Variants in NPFFR1 observed in about 807,000 individuals in gnomAD.
The protein encoded by NPFFR1 is G-protein coupled receptor 147.
A neutral mutation model predicts 12.7 loss-of-function variants in NPFFR1; 17 were observed. The observed-to-expected ratio is 1.34, with a 90% CI of 0.92 to 2.01. The LOEUF is 2.01. Ranked by LOEUF, NPFFR1 falls within the 30% of genes most tolerant of loss-of-function variation. NPFFR1 has a pLI of 0.00. For synonymous variants in NPFFR1, 296 were observed against 264.5 expected, an observed-to-expected ratio of 1.12 and a Z score of -1.16; for missense variants, 604 against 606.5, an observed-to-expected ratio of 1.00 and a Z score of 0.04.
chr10:70,255,492 C>G lies in NPFFR1; in HGVS notation c.758G>C (p.Gly253Ala), dbSNP rs1040771756. ...TGCTCGCGGGTCCGCAGCCTCCTCG[C>G]CCCCGGGGGCCGGGCCCGGGGCCTG... is the stretch of plus-strand genomic sequence containing the variant. ...LCQAPGPAPG[G>A]EEAADPRASR... The change falls in exon 4 of 4, where the codon GGC (glycine) becomes GCC (alanine). Residue 253 changes from glycine (G) to alanine (A), a missense_variant. Gly to Ala is a moderately conservative substitution (Grantham distance 60). Coordinates refer to ENST00000277942, the MANE Select transcript of NPFFR1 (RefSeq NM_022146.5). The surrounding 1 kb of genome is among the most constrained non-coding windows in gnomAD (Gnocchi z 4.2). The G allele has an allele frequency of 2.6e-6, 4 of 1,547,466 alleles. No individual in the cohort carries two copies. The African/African-American group carries it at 4.1e-5, about 16-fold the overall frequency.
In NPFFR1 at chr10:70,281,569, TGC is replaced by T. The variant is rs1310492454; in HGVS notation, c.7+2099_7+2100del. 9.2e-5 allele frequency among the ~76,000 whole-genome samples: 14 copies of T among 152,350 alleles called. No individual in the cohort carries two copies. In the South Asian group the frequency reaches 1.4e-3, roughly 16 times the overall value. ...ACAAAGATGTTAGTGACTACCTCTT[TGC>T]GTATACACTTGTATATGTATATTTC... On this transcript the variant is annotated intron_variant, in intron 1 of 3. Coordinates refer to ENST00000277942, the MANE Select transcript of NPFFR1 (RefSeq NM_022146.5).
Position 70,283,694 on chromosome 10 carries a change from G to A in NPFFR1, c.-18C>T, listed in dbSNP as rs1840885821. 6 of 1,535,066 alleles carry A rather than the reference G, an allele frequency of 3.9e-6. No homozygotes were observed. Among genetic ancestry groups the A allele is most frequent in the Non-Finnish European group, 3.5e-6 (4 of 1,146,460 alleles). The stretch of plus-strand genomic sequence containing the variant: ...CCCTCCATGATGCCCCCAGTTGCGG[G>A]CTCCGGCGGTCTCCGATGGCGGGAG... On this transcript the variant is annotated 5_prime_UTR_variant, in exon 1 of 4. Coordinates refer to ENST00000277942, the MANE Select transcript of NPFFR1 (RefSeq NM_022146.5).
chr10:70,256,429 C>T (rs1489550258), intron 3 of NPFFR1, among the ~76,000 whole-genome samples: 1 of 152,180 alleles, frequency 6.6e-6, no homozygotes, highest in Non-Finnish European at 1.5e-5. Flanking sequence ...GCTAGCAGAG[C>T]GATCAGAGTG....
intron 1 of NPFFR1, among the ~76,000 whole-genome samples, chr10:70,273,212 G>A (rs10999227): frequency 0.029 from 4,396 of 152,180 alleles, 178 homozygotes; most frequent in African/African-American, 0.092. Flanking sequence ...TGGATGATGG[G>A]CAGGGGATGG....
rs1393258246 is a variant in NPFFR1, at chr10:70,250,078, T to C, written c.*4879A>G. On this transcript the variant is annotated 3_prime_UTR_variant, in exon 4 of 4. Coordinates refer to ENST00000277942, the MANE Select transcript of NPFFR1 (RefSeq NM_022146.5). ...GGTGTGTGCCACCATGCCTGGCTAA[T>C]TTTTGTGTTTTTAGTAGAGATGGGG... is the stretch of plus-strand genomic sequence containing the variant. 1 of 151,758 alleles carries C rather than the reference T, an allele frequency of 6.6e-6. No homozygotes were observed. Among genetic ancestry groups the C allele is most frequent in the Non-Finnish European group, 1.5e-5 (1 of 67,994 alleles). 9.4% of individuals were successfully genotyped at this position (151,758 alleles called of 1,614,324 possible).
At chr10:70,277,059 T>C (rs1266491470) in intron 1 of NPFFR1, among the ~76,000 whole-genome samples, 1 of 152,228 alleles carries the variant, frequency 6.6e-6, no homozygotes, top group African/African-American at 2.4e-5. Context: ...GAAATACTTA[T>C]TGTAAGTATA....
At chr10:70,269,130 T>C (rs1256911809) in intron 1 of NPFFR1, among the ~76,000 whole-genome samples, 3 of 152,172 alleles carry the variant, frequency 2.0e-5, no homozygotes, top group African/African-American at 4.8e-5. Context: ...TGCTCTCTGT[T>C]CCCTGTATTA....
intron 1 of NPFFR1, chr10:70,278,035 G>A: frequency 2.0e-6 from 1 of 512,798 alleles, no homozygotes; most frequent in South Asian, 1.4e-5. Context: ...AGACCTGTCA[G>A]CCTCCACTTG....
At chr10:70,274,717 T>G (rs1050963793) in intron 1 of NPFFR1, among the ~76,000 whole-genome samples, 6 of 152,164 alleles carry the variant, frequency 3.9e-5, no homozygotes, top group Admixed American at 3.9e-4. Context: ...TCTCCCAACC[T>G]CATGGAGTTG....
intron 1 of NPFFR1, among the ~76,000 whole-genome samples, chr10:70,274,392 T>C (rs746806838): frequency 8.0e-5 from 12 of 150,768 alleles, no homozygotes; most frequent in Non-Finnish European, 1.5e-4. Context: ...GAGGTTGCAA[T>C]GAGCTGAGAT....
At position 70,247,720 on chromosome 10, in the gene NPFFR1, G is replaced by T. The variant is rs1171973384; in HGVS notation, c.*7237C>A. On this transcript the variant is annotated 3_prime_UTR_variant, in exon 4 of 4. Transcript: ENST00000277942. ...TGGGTTTTTCCACCCACATTAATTT[G>T]GTTGCTTGCACATGACAACAGCATC... 1 of 152,184 alleles carries T rather than the reference G, an allele frequency of 6.6e-6. No individual in the cohort carries two copies. The highest frequency in any genetic ancestry group is 2.4e-5 in the African/African-American group (1 of 41,438). The allele number at this position is 152,184 out of a possible 1,614,324, so 9.4% of individuals were successfully genotyped here. A position where few individuals can be genotyped will look rare whatever the true frequency, so the allele number is the denominator to read the frequency against.
At chr10:70,270,632 T>C (rs1564596304) in intron 1 of NPFFR1, among the ~76,000 whole-genome samples, 2 of 152,196 alleles carry the variant, frequency 1.3e-5, no homozygotes, top group African/African-American at 2.4e-5. Context: ...GCACTGCACA[T>C]GAATCCTTTC....
chr10:70,281,176 C>T (rs1444671803), intron 1 of NPFFR1, among the ~76,000 whole-genome samples: 1 of 152,184 alleles, frequency 6.6e-6, no homozygotes, highest in Non-Finnish European at 1.5e-5. Flanking sequence ...TTTTAGCACC[C>T]CACCAGGTCT....
chr10:70,273,581 C>T (rs1483619135), intron 1 of NPFFR1, among the ~76,000 whole-genome samples: 1 of 152,184 alleles, frequency 6.6e-6, no homozygotes, highest in African/African-American at 2.4e-5. Context: ...ATGAGCCCTT[C>T]TTTCTCGAGT....
Position 70,274,675 on chromosome 10 carries a change from C to T in NPFFR1, c.8-8284G>A, listed in dbSNP as rs141682190. ...TACTTCATCCCTGTGTTCTCCTTGG[C>T]TTTCGAATGTGGATGACCTGGGCTT... On this transcript the variant is annotated intron_variant, in intron 1 of 3. Transcript: ENST00000277942. Among the ~76,000 whole-genome samples the T allele has an allele frequency of 3.1e-3, 473 of 152,306 alleles. 2 individuals carry two copies. The highest frequency in any genetic ancestry group is 0.011 in the African/African-American group (445 of 41,564).
chr10:70,254,917 T>C lies in NPFFR1; in HGVS notation c.*40A>G, dbSNP rs917092898. 7 of 1,388,444 alleles carry C rather than the reference T, an allele frequency of 5.0e-6. No homozygotes were observed. Among genetic ancestry groups the C allele is most frequent in the Non-Finnish European group, 6.5e-6 (7 of 1,077,418 alleles). 86.0% of individuals were successfully genotyped at this position (1,388,444 alleles called of 1,614,324 possible). ...TCGCCTGCATGTATCTCGTGTCCAA[T>C]CGGGGCCCTGAGGCAGCGTCCCGCC... On this transcript the variant is annotated 3_prime_UTR_variant, in exon 4 of 4. Transcript: ENST00000277942.
intron 2 of NPFFR1, among the ~76,000 whole-genome samples, chr10:70,261,964 A>G (rs1283949370): frequency 6.6e-6 from 1 of 152,240 alleles, no homozygotes; most frequent in Non-Finnish European, 1.5e-5. Flanking sequence ...GACTATCTGT[A>G]CTATATTACC....
chr10:70,254,832 A>T lies in NPFFR1; in HGVS notation c.*125T>A. 8.8e-7 allele frequency: 1 copy of T among 1,136,946 alleles called. No homozygotes were observed. The highest frequency in any genetic ancestry group is 1.1e-6 in the Non-Finnish European group (1 of 879,832). The allele number at this position is 1,136,946 out of a possible 1,614,324, so 70.4% of individuals were successfully genotyped here. ...AAGACATCACCAGCAGCTGCCCACCACTGCCTGGCTCTGGAGAGGGAGGGA... is the reference window on the plus strand; with the variant it reads ...AAGACATCACCAGCAGCTGCCCACCTCTGCCTGGCTCTGGAGAGGGAGGGA... On this transcript the variant is annotated 3_prime_UTR_variant, in exon 4 of 4. Transcript: ENST00000277942.
At chr10:70,272,352 C>T (rs1322898697) in intron 1 of NPFFR1, among the ~76,000 whole-genome samples, 2 of 152,188 alleles carry the variant, frequency 1.3e-5, no homozygotes, top group Admixed American at 6.5e-5. Context: ...CCACTGATGG[C>T]TTCATCCTTG....
Sources: gnomAD v4.1 joint callset for allele counts (sites outside exome capture counted in the v4.1 genomes callset) on GRCh38, gnomAD v4.1.1 for gene constraint, Gnocchi (gnomAD v3.1) non-coding constraint, MANE v1.5 for transcripts, NCBI Gene and HGNC (gene_info 2026-07-23, HGNC 2026-07-21) for gene names.